The following SLCO3A1 variants were observed in gnomAD, a reference collection of about 807,000 sequenced individuals.
The protein encoded by SLCO3A1 is solute carrier organic anion transporter family member 3A1.
In SLCO3A1, 27 loss-of-function variants were observed where a neutral mutation model predicts 63.1. The ratio of observed to expected loss-of-function variants is 0.43; its 90% confidence interval spans 0.32 to 0.59. The LOEUF is 0.59. Ranked by LOEUF, SLCO3A1 falls within the 20% of genes least tolerant of loss-of-function variation. The pLI, the probability that SLCO3A1 is intolerant of heterozygous loss-of-function variation, is 0.09. For missense variants in SLCO3A1, 773 were observed against 945.8 expected (o/e 0.82, Z 2.40); for synonymous variants, 473 against 409.9 (o/e 1.15, Z -1.86).
chr15:92,025,191 A>G (rs1444646906), intron 2 of SLCO3A1, among the ~76,000 whole-genome samples: 1 of 150,796 alleles, frequency 6.6e-6, no homozygotes, highest in Non-Finnish European at 1.5e-5. Flanking sequence ...TGCTTTTAAA[A>G]AATTTTTTTC....
chr15:92,029,138 A>G (rs909849290), intron 2 of SLCO3A1, among the ~76,000 whole-genome samples: 4 of 152,330 alleles, frequency 2.6e-5, no homozygotes, highest in East Asian at 1.9e-4. Context: ...AAAGTTTGCT[A>G]TAATTACTGG....
At chr15:91,922,420 C>T (rs1044229499) in intron 2 of SLCO3A1, among the ~76,000 whole-genome samples, 1 of 152,196 alleles carries the variant, frequency 6.6e-6, no homozygotes, top group Non-Finnish European at 1.5e-5. Context: ...CCAGTGCAGC[C>T]CTCTGTGTTT....
rs76448478 is a variant in SLCO3A1 at position 92,118,613 on chromosome 15, A to C, written c.1010-1852A>C. On this transcript the variant is annotated intron_variant, in intron 4 of 9. Coordinates refer to ENST00000318445, the MANE Select transcript of SLCO3A1 (RefSeq NM_013272.4). ...GAGGTTTCATCTCCTACGAGATGAG[A>C]TTGAGCCTGATAATTAGCTCTCTTC... Among the ~76,000 whole-genome samples, 560 of 152,226 alleles carry C rather than the reference A, an allele frequency of 3.7e-3. 4 individuals are homozygous for C. The highest frequency in any genetic ancestry group is 6.8e-3 in the Middle Eastern group (2 of 294).
chr15:91,964,723 A>C (rs7179815), intron 2 of SLCO3A1, among the ~76,000 whole-genome samples: 1 of 151,662 alleles, frequency 6.6e-6, no homozygotes, highest in East Asian at 1.9e-4. Context: ...CTGGGTACTA[A>C]CATCCTTTAA....
chr15:92,132,886 G>C (rs2048013293), intron 7 of SLCO3A1, among the ~76,000 whole-genome samples: 1 of 145,704 alleles, frequency 6.9e-6, no homozygotes, highest in South Asian at 2.2e-4. Flanking sequence ...TCACGTGGGA[G>C]CTTTTAAAAC....
In SLCO3A1 at chr15:91,926,596, T is replaced by TGTGTGTGCGCGC; in HGVS notation, c.646+10139_646+10140insTGTGTGCGCGCG. 2.4e-3 allele frequency among the ~76,000 whole-genome samples: 255 copies of TGTGTGTGCGCGC among 105,288 alleles called. 3 individuals carry two copies. Among genetic ancestry groups the TGTGTGTGCGCGC allele is most frequent in the African/African-American group, 7.2e-3 (196 of 27,378 alleles). 69.1% of individuals were successfully genotyped at this position (105,288 alleles called of 152,430 possible). A position where few individuals can be genotyped will look rare whatever the true frequency, so the allele number is the denominator to read the frequency against. On this transcript the variant is annotated intron_variant, in intron 2 of 9. Coordinates refer to ENST00000318445, the MANE Select transcript of SLCO3A1 (RefSeq NM_013272.4). ...GTGTGTGTGTGTGTGTGTGTGTGTG[T>TGTGTGTGCGCGC]GCGCGCGCGCACGCCCATGCTTATT...
At chr15:92,072,000 C>T (rs933972196) in intron 2 of SLCO3A1, among the ~76,000 whole-genome samples, 1 of 152,184 alleles carries the variant, frequency 6.6e-6, no homozygotes, top group African/African-American at 2.4e-5. Context: ...TGGCACAAAT[C>T]GGTTCTTCCC....
intron 2 of SLCO3A1, among the ~76,000 whole-genome samples, chr15:91,933,300 C>T (rs1185450367): frequency 1.3e-5 from 2 of 152,104 alleles, no homozygotes; most frequent in Admixed American, 6.5e-5. Flanking sequence ...AAGCTATTTA[C>T]AGGGCTTCAA....
intron 2 of SLCO3A1, among the ~76,000 whole-genome samples, chr15:91,992,320 A>G (rs1051965267): frequency 1.5e-4 from 23 of 152,306 alleles, no homozygotes; most frequent in African/African-American, 5.3e-4. Context: ...AACGATGAGC[A>G]CTTCCACCCA....
chr15:92,119,510 A>T (rs2151559960), intron 4 of SLCO3A1, among the ~76,000 whole-genome samples: 1 of 152,122 alleles, frequency 6.6e-6, no homozygotes, highest in African/African-American at 2.4e-5. Flanking sequence ...ATGAGAAGAG[A>T]CCCGCTAAGG....
At chr15:91,955,185 A>G (rs1171705133) in intron 2 of SLCO3A1, among the ~76,000 whole-genome samples, 1 of 152,142 alleles carries the variant, frequency 6.6e-6, no homozygotes, top group Non-Finnish European at 1.5e-5. Context: ...TTCCACGTGA[A>G]GAAACTGAAG....
chr15:91,967,549 G>C lies in SLCO3A1; in HGVS notation c.646+51091G>C, dbSNP rs545809734. Among the ~76,000 whole-genome samples, 1 of 152,166 alleles carries C rather than the reference G, an allele frequency of 6.6e-6. No individual in the cohort carries two copies. The highest frequency in any genetic ancestry group is 6.5e-5 in the Admixed American group (1 of 15,286). On this transcript the variant is annotated intron_variant, in intron 2 of 9. Transcript: ENST00000318445. The surrounding 1 kb of genome is among the most constrained non-coding windows in gnomAD (Gnocchi z 4.4). Reference sequence around the variant, plus strand: ...CGCAGAAGCGTTGCCACAGGATAAAGACAGCACTCGACATATAATAAAAAT... The same window carrying C: ...CGCAGAAGCGTTGCCACAGGATAAACACAGCACTCGACATATAATAAAAAT...
intron 2 of SLCO3A1, among the ~76,000 whole-genome samples, chr15:92,067,689 A>G (rs767334302): frequency 1.3e-5 from 2 of 152,264 alleles, no homozygotes; most frequent in Non-Finnish European, 2.9e-5. Flanking sequence ...CAGAAGCGTC[A>G]GTGCAGACTA....
In SLCO3A1 at chr15:91,872,260, C is replaced by T. The variant is rs189742358; in HGVS notation, c.180+18172C>T. On this transcript the variant is annotated intron_variant, in intron 1 of 9. Coordinates refer to ENST00000318445, the MANE Select transcript of SLCO3A1 (RefSeq NM_013272.4). The surrounding 1 kb of genome is among the most constrained non-coding windows in gnomAD (Gnocchi z 4.1). ...AGTTAAAGAATGTGCTGGATGGGCA[C>T]GGTGGCTCACGCCTGTAATCCCAGC... 3.9e-5 allele frequency among the ~76,000 whole-genome samples: 6 copies of T among 152,288 alleles called. No individual in the cohort carries two copies. The highest frequency in any genetic ancestry group is 1.9e-4 in the East Asian group (1 of 5,174).
At chr15:92,024,231 CT>C (rs1472056930) in intron 2 of SLCO3A1, among the ~76,000 whole-genome samples, 1 of 152,180 alleles carries the variant, frequency 6.6e-6, no homozygotes, top group Non-Finnish European at 1.5e-5. Flanking sequence ...CAGAGTTCAT[CT>C]CAGTGTTTTT....
chr15:92,101,718 T>G (rs954483970), intron 3 of SLCO3A1, among the ~76,000 whole-genome samples: 4 of 152,064 alleles, frequency 2.6e-5, no homozygotes, highest in Non-Finnish European at 5.9e-5. Flanking sequence ...GAGAAAAAAA[T>G]CAATACTTCC....
intron 7 of SLCO3A1, among the ~76,000 whole-genome samples, chr15:92,131,123 C>G (rs888606561): frequency 6.6e-6 from 1 of 152,256 alleles, no homozygotes; most frequent in Admixed American, 6.5e-5. Context: ...AGGTTAGTCA[C>G]TTGCCCAAGG....
Position 91,912,077 on chromosome 15 carries a change from T to A in SLCO3A1, c.181-3916T>A, listed in dbSNP as rs1456918127. Among the ~76,000 whole-genome samples the A allele has an allele frequency of 6.6e-6, 1 of 151,650 alleles. No homozygotes were observed. The highest frequency in any genetic ancestry group is 1.5e-5 in the Non-Finnish European group (1 of 68,022). ...TGGTTCAGGATAAGGACGCTTCCTC[T>A]TTCCTTTTCCTCTTGCAGTTATGGC... On this transcript the variant is annotated intron_variant, in intron 1 of 9. Transcript: ENST00000318445. This position sits in a 1 kb window ranked among gnomAD's most constrained non-coding sequence, Gnocchi z 5.0.
chr15:92,029,143 T>G (rs1337505403), intron 2 of SLCO3A1, among the ~76,000 whole-genome samples: 1 of 152,186 alleles, frequency 6.6e-6, no homozygotes, highest in African/African-American at 2.4e-5. Context: ...TTGCTATAAT[T>G]ACTGGATGGC....
Sources: allele counts gnomAD v4.1 joint callset (sites outside exome capture counted in the v4.1 genomes callset), GRCh38; gene constraint gnomAD v4.1.1; non-coding constraint Gnocchi (gnomAD v3.1); transcripts MANE v1.5; gene names NCBI Gene and HGNC (gene_info 2026-07-23, HGNC 2026-07-21).